Variants in CNTNAP3B observed in about 807,000 individuals in gnomAD.
The protein encoded by CNTNAP3B is contactin-associated protein-like 3B.
A neutral mutation model predicts 108.9 loss-of-function variants in CNTNAP3B; 25 were observed. The observed-to-expected ratio is 0.23, with a 90% CI of 0.17 to 0.32. The LOEUF is 0.32. Among genes scored for constraint, CNTNAP3B ranks in the 10% least tolerant of loss-of-function variants. CNTNAP3B has a pLI of 1.00. For missense variants in CNTNAP3B, 252 were observed against 1,210.4 expected (o/e 0.21, Z 11.75); for synonymous variants, 103 against 473.4 (o/e 0.22, Z 10.16).
chr9:41,950,912 C>A (rs1416697576), intron 13 of CNTNAP3B, among the ~76,000 whole-genome samples: 1 of 149,778 alleles, frequency 6.7e-6, no homozygotes, highest in Admixed American at 6.7e-5. Flanking sequence ...CCCGCCACCA[C>A]ACCTGGCTAC....
intron 15 of CNTNAP3B, among the ~76,000 whole-genome samples, chr9:41,925,264 C>G (rs1823781623): frequency 6.6e-6 from 1 of 150,472 alleles, no homozygotes; most frequent in African/African-American, 2.5e-5. Context: ...TCTGTCATTC[C>G]TTCCACATTA....
chr9:42,094,309 G>C (rs1271899172), intron 2 of CNTNAP3B, among the ~76,000 whole-genome samples: 3 of 132,300 alleles, frequency 2.3e-5, no homozygotes, highest in African/African-American at 9.3e-5. Flanking sequence ...TATAGCCAGA[G>C]AACTAAGAAT....
chr9:41,925,549 T>C lies in CNTNAP3B; in HGVS notation c.2366-1456A>G, dbSNP rs1204063712. Among the ~76,000 whole-genome samples, 30 of 152,358 alleles carry C rather than the reference T, an allele frequency of 2.0e-4. No individual in the cohort carries two copies. The East Asian group carries it at 4.1e-3, about 21-fold the overall frequency. On this transcript the variant is annotated intron_variant, in intron 15 of 23. Coordinates refer to ENST00000377561, the MANE Select transcript of CNTNAP3B (RefSeq NM_001201380.3). ...CGGAGCTTGCAGTGAGCCGAGATCC[T>C]GCCACTGCACTCCAGCCTGCGCAAC...
At chr9:41,934,867 C>T (rs1824107297) in intron 14 of CNTNAP3B, among the ~76,000 whole-genome samples, 1 of 152,282 alleles carries the variant, frequency 6.6e-6, no homozygotes, top group Non-Finnish European at 1.5e-5. Flanking sequence ...TGCATTTAAA[C>T]CATCTTATTT....
At chr9:41,924,392 C>T (rs1270415536) in intron 15 of CNTNAP3B, among the ~76,000 whole-genome samples, 1 of 152,310 alleles carries the variant, frequency 6.6e-6, no homozygotes, top group East Asian at 1.9e-4. Flanking sequence ...TCAGAATCAC[C>T]TCAAAGGTAC....
chr9:41,931,406 A>G (rs1314322331), intron 14 of CNTNAP3B, among the ~76,000 whole-genome samples: 3 of 152,280 alleles, frequency 2.0e-5, no homozygotes. Context: ...ATCAAATACT[A>G]GAATTTCTTT....
chr9:42,120,030 G>A (rs1368854241), intron 1 of CNTNAP3B, among the ~76,000 whole-genome samples: 2 of 149,244 alleles, frequency 1.3e-5, no homozygotes, highest in Non-Finnish European at 3.0e-5. Context: ...CCATCAGAGT[G>A]AACAGGCAAC....
At chr9:42,049,368 A>G (rs1826933014) in intron 3 of CNTNAP3B, among the ~76,000 whole-genome samples, 1 of 138,746 alleles carries the variant, frequency 7.2e-6, no homozygotes, top group Admixed American at 7.2e-5. Context: ...TCCTCTCCAC[A>G]TTGCCCAAAC....
intron 2 of CNTNAP3B, among the ~76,000 whole-genome samples, chr9:42,090,811 GTA>G (rs1827806343): frequency 1.4e-5 from 1 of 72,176 alleles, no homozygotes; most frequent in African/African-American, 5.1e-5. Flanking sequence ...CACACTGACC[GTA>G]TATATGTATA....
chr9:42,032,390 G>C (rs1195292472), intron 3 of CNTNAP3B, among the ~76,000 whole-genome samples: 1 of 117,192 alleles, frequency 8.5e-6, no homozygotes, highest in South Asian at 3.0e-4. Context: ...AATCCACAGA[G>C]AGAATGTAGC....
In CNTNAP3B at chr9:42,126,884, C is replaced by A. The variant is rs1828583298; in HGVS notation, c.85+2126G>T. On this transcript the variant is annotated intron_variant, in intron 1 of 23. Transcript: ENST00000377561. Reference sequence around the variant, plus strand: ...TGTGCCCGGCCTAGAGAGCTCTTCCCATGAAGAGCCATTTCATGCCATCAT... The same window carrying A: ...TGTGCCCGGCCTAGAGAGCTCTTCCAATGAAGAGCCATTTCATGCCATCAT... Among the ~76,000 whole-genome samples, 3 of 138,976 alleles carry A rather than the reference C, an allele frequency of 2.2e-5. 1 individual carries two copies. Among genetic ancestry groups the A allele is most frequent in the Admixed American group, 2.1e-4 (3 of 14,040 alleles). The allele number at this position is 138,976 out of a possible 152,430, so 91.2% of individuals were successfully genotyped here.
chr9:41,942,702 T>C (rs1824396162), intron 13 of CNTNAP3B, among the ~76,000 whole-genome samples: 1 of 152,236 alleles, frequency 6.6e-6, no homozygotes, highest in Admixed American at 6.5e-5. Flanking sequence ...ATCAGTACAT[T>C]ACCTGTATAG....
intron 1 of CNTNAP3B, among the ~76,000 whole-genome samples, chr9:42,122,599 T>C (rs1407972529): frequency 7.3e-6 from 1 of 136,356 alleles, no homozygotes; most frequent in African/African-American, 2.9e-5. Flanking sequence ...GCATTACTTT[T>C]TCTACCAATC....
chr9:41,936,958 G>A (rs1824174991), intron 14 of CNTNAP3B, among the ~76,000 whole-genome samples: 2 of 152,412 alleles, frequency 1.3e-5, no homozygotes, highest in East Asian at 1.9e-4. Context: ...TTAAAGTGAT[G>A]CAAAGTAGAC....
At chr9:42,041,784 C>G (rs4879108) in intron 3 of CNTNAP3B, among the ~76,000 whole-genome samples, 37,485 of 131,904 alleles carry the variant, frequency 0.28, 4,606 homozygotes, top group South Asian at 0.34. Flanking sequence ...AAGACACATG[C>G]ACGTGTGTTT....
In CNTNAP3B at chr9:41,929,301, T is replaced by A; in HGVS notation, c.2365+16A>T. 6.7e-7 allele frequency: 1 copy of A among 1,501,778 alleles called. No individual in the cohort carries two copies. Among genetic ancestry groups the A allele is most frequent in the South Asian group, 1.3e-5 (1 of 78,386 alleles). 93.0% of individuals were successfully genotyped at this position (1,501,778 alleles called of 1,614,324 possible). On this transcript the variant is annotated intron_variant, in intron 15 of 23. Transcript: ENST00000377561. The stretch of plus-strand genomic sequence containing the variant: ...AAGTTATTATGAAAATAAAGCTTTT[T>A]CTTGACACTACTTACTATCTCCGCG...
At chr9:41,924,318 C>T (rs1358316455) in intron 15 of CNTNAP3B, among the ~76,000 whole-genome samples, 687 of 145,660 alleles carry the variant, frequency 4.7e-3, no homozygotes, top group African/African-American at 0.018. Context: ...CAAACAAAAG[C>T]GAAGCAAAAG....
chr9:41,926,036 A>G (rs1164317658), intron 15 of CNTNAP3B, among the ~76,000 whole-genome samples: 1 of 152,286 alleles, frequency 6.6e-6, no homozygotes, highest in African/African-American at 2.4e-5. Flanking sequence ...TCTCTCACAC[A>G]CACATACACA....
At chr9:41,926,258 T>A (rs62536550) in intron 15 of CNTNAP3B, among the ~76,000 whole-genome samples, 137,552 of 152,066 alleles carry the variant, frequency 0.9, 61,519 homozygotes, top group Admixed American at 0.92. Flanking sequence ...GTGTGGAACC[T>A]AGCTTCTAAC....
Sources: allele counts gnomAD v4.1 joint callset (sites outside exome capture counted in the v4.1 genomes callset), GRCh38; gene constraint gnomAD v4.1.1; transcripts MANE v1.5; gene names NCBI Gene and HGNC (gene_info 2026-07-23, HGNC 2026-07-21).